The following LSAMP variants were observed in gnomAD, a reference collection of about 807,000 sequenced individuals.
LSAMP encodes the protein limbic system associated membrane protein, also known as limbic system-associated membrane protein.
In LSAMP, 7 loss-of-function variants were observed where a neutral mutation model predicts 38.6. The observed-to-expected ratio is 0.18, with a 90% confidence interval of 0.10 to 0.34. The LOEUF (loss-of-function observed/expected upper bound fraction) is 0.34. Among genes scored for constraint, LSAMP ranks in the 10% least tolerant of loss-of-function variants. The pLI is 1.00. For missense variants in LSAMP, 313 were observed against 420.0 expected, an observed-to-expected ratio of 0.75 and a Z score of 2.23; for synonymous variants, 154 against 166.8, an observed-to-expected ratio of 0.92 and a Z score of 0.59.
intron 1 of LSAMP, among the ~76,000 whole-genome samples, chr3:116,200,093 TACACACACACAC>T (rs36216707): frequency 9.4e-5 from 14 of 149,350 alleles, no homozygotes; most frequent in South Asian, 4.3e-4. Context: ...AGTCTTACTT[TACACACACACAC>T]ACACACACAC....
At chr3:115,891,713 G>T (rs1317040977) in intron 3 of LSAMP, among the ~76,000 whole-genome samples, 1 of 151,900 alleles carries the variant, frequency 6.6e-6, no homozygotes, top group Non-Finnish European at 1.5e-5. Flanking sequence ...TGTTCAATTT[G>T]GTCAGAGTTT....
intron 2 of LSAMP, among the ~76,000 whole-genome samples, chr3:116,032,895 G>A (rs1328192859): frequency 3.3e-5 from 5 of 152,098 alleles, no homozygotes; most frequent in Admixed American, 1.3e-4. Flanking sequence ...CAAGATAACT[G>A]GGGCACAACT....
chr3:115,851,837 C>A (rs58915061), intron 4 of LSAMP, among the ~76,000 whole-genome samples: 1 of 152,138 alleles, frequency 6.6e-6, no homozygotes, highest in Non-Finnish European at 1.5e-5. Flanking sequence ...ATCCTCCCCC[C>A]GCCCACCCTC....
chr3:115,883,529 G>T (rs1936375426), intron 3 of LSAMP, among the ~76,000 whole-genome samples: 2 of 151,986 alleles, frequency 1.3e-5, no homozygotes, highest in Admixed American at 1.3e-4. Flanking sequence ...TGAATGCACT[G>T]GAAGGGATGG....
intron 1 of LSAMP, among the ~76,000 whole-genome samples, chr3:116,222,583 T>C (rs1454117138): frequency 6.6e-6 from 1 of 152,036 alleles, no homozygotes; most frequent in Admixed American, 6.6e-5. Context: ...GAACAGAAAG[T>C]ATAGGCTGGG....
At position 115,811,563 on chromosome 3, in the gene LSAMP, A is replaced by AGT. The variant is rs72037804; in HGVS notation, c.920-1151_920-1150dup. 2.1e-3 allele frequency among the ~76,000 whole-genome samples: 316 copies of AGT among 150,308 alleles called. 1 individual carries two copies. The highest frequency in any genetic ancestry group is 7.6e-3 in the South Asian group (36 of 4,722). On this transcript the variant is annotated intron_variant, in intron 6 of 6. Transcript: ENST00000490035. ...TGCGTATGCAGATGGATTATGTGTGAGTGTGTGTGTGTGTGTGTGTGTAAA... is the reference window on the plus strand; with the variant it reads ...TGCGTATGCAGATGGATTATGTGTGAGTGTGTGTGTGTGTGTGTGTGTGTAAA...
At chr3:115,984,035 A>G (rs1165303855) in intron 3 of LSAMP, among the ~76,000 whole-genome samples, 1 of 152,104 alleles carries the variant, frequency 6.6e-6, no homozygotes, top group Non-Finnish European at 1.5e-5. Flanking sequence ...ACCAGTTAAG[A>G]GGCTCCTGCA....
At chr3:116,016,796 A>C (rs7632252) in intron 3 of LSAMP, among the ~76,000 whole-genome samples, 158 of 152,084 alleles carry the variant, frequency 1.0e-3, no homozygotes, top group South Asian at 2.3e-3. Context: ...TTGCATGTCA[A>C]AGAAATAAAA....
At chr3:116,231,191 T>A (rs1388878221) in intron 1 of LSAMP, among the ~76,000 whole-genome samples, 1 of 152,220 alleles carries the variant, frequency 6.6e-6, no homozygotes, top group African/African-American at 2.4e-5. Flanking sequence ...TGTACTATTA[T>A]TAATTAGATC....
Position 116,221,237 on chromosome 3 carries a change from T to C in LSAMP, c.156-134681A>G, listed in dbSNP as rs544456023. On this transcript the variant is annotated intron_variant, in intron 1 of 6. Coordinates refer to ENST00000490035, the MANE Select transcript of LSAMP (RefSeq NM_002338.5). The stretch of plus-strand genomic sequence containing the variant: ...AATATACAAACTACTTGTTTACATA[T>C]ACTGCTTCATTTTATCTTAAAATTT... 4.0e-5 allele frequency among the ~76,000 whole-genome samples: 6 copies of C among 151,484 alleles called. No individual in the cohort carries two copies. In the South Asian group the frequency reaches 1.3e-3, roughly 32 times the overall value.
chr3:116,376,270 G>A (rs895070384), intron 1 of LSAMP, among the ~76,000 whole-genome samples: 1 of 151,988 alleles, frequency 6.6e-6, no homozygotes, highest in Admixed American at 6.6e-5. Context: ...AGATAATCTT[G>A]CATCTATTTA....
chr3:115,893,591 ATAG>A (rs1318337236), intron 3 of LSAMP, among the ~76,000 whole-genome samples: 8 of 152,046 alleles, frequency 5.3e-5, no homozygotes, highest in Non-Finnish European at 1.0e-4. Context: ...TTGATCAATC[ATAG>A]TAGAGAAAAA....
chr3:116,329,391 T>G (rs1407699843), intron 1 of LSAMP, among the ~76,000 whole-genome samples: 18 of 152,168 alleles, frequency 1.2e-4, no homozygotes, highest in Admixed American at 1.2e-3. Flanking sequence ...TCTCAGTTGT[T>G]CGTTTCCGAC....
At chr3:116,411,468 C>T (rs1281706987) in intron 1 of LSAMP, among the ~76,000 whole-genome samples, 1 of 151,654 alleles carries the variant, frequency 6.6e-6, no homozygotes, top group East Asian at 1.9e-4. Context: ...GAGTTCATGT[C>T]CTTTGTAGGG....
intron 1 of LSAMP, among the ~76,000 whole-genome samples, chr3:116,177,418 A>G (rs1432937137): frequency 1.3e-5 from 2 of 152,082 alleles, no homozygotes; most frequent in Non-Finnish European, 2.9e-5. Context: ...TACTCTACAT[A>G]AGAAATCTCC....
intron 1 of LSAMP, among the ~76,000 whole-genome samples, chr3:116,299,554 G>C (rs75947092): frequency 1.3e-5 from 2 of 152,218 alleles, no homozygotes; most frequent in Admixed American, 6.5e-5. Flanking sequence ...TATAAATTAG[G>C]CTTGCTCTTT....
intron 1 of LSAMP, among the ~76,000 whole-genome samples, chr3:116,168,614 T>G (rs1710119679): frequency 6.6e-6 from 1 of 152,174 alleles, no homozygotes; most frequent in Non-Finnish European, 1.5e-5. Flanking sequence ...TGACACAAAT[T>G]GATTGGAATA....
At chr3:116,181,624 C>T (rs1710486814) in intron 1 of LSAMP, among the ~76,000 whole-genome samples, 1 of 151,958 alleles carries the variant, frequency 6.6e-6, no homozygotes, top group Admixed American at 6.6e-5. Context: ...AGCGTTAAAA[C>T]ATTCCTAAAT....
chr3:116,359,237 A>G (rs1398494610), intron 1 of LSAMP, among the ~76,000 whole-genome samples: 1 of 152,256 alleles, frequency 6.6e-6, no homozygotes, highest in African/African-American at 2.4e-5. Context: ...CCATCAATCA[A>G]TAAGGAAATA....
Sources: allele counts gnomAD v4.1 joint callset (sites outside exome capture counted in the v4.1 genomes callset), GRCh38; gene constraint gnomAD v4.1.1; transcripts MANE v1.5; gene names NCBI Gene and HGNC (gene_info 2026-07-23, HGNC 2026-07-21).